Variants in ALK observed in about 807,000 individuals in gnomAD.
ALK encodes ALK receptor tyrosine kinase, also known as ALK tyrosine kinase receptor.
ALK carries 74 observed loss-of-function variants against 163.1 expected under a neutral mutation model. The ratio of observed to expected loss-of-function variants is 0.45; its 90% CI spans 0.38 to 0.55. ALK has a LOEUF of 0.55. Among genes scored for constraint, ALK ranks in the 20% least tolerant of loss-of-function variants. The probability of loss-of-function intolerance (pLI) is 0.00; values close to 1 mark genes in which losing one functional copy is unlikely to be tolerated. For missense variants in ALK, 2,063 were observed against 2,105.3 expected (o/e 0.98, Z 0.39); for synonymous variants, 960 against 843.2 (o/e 1.14, Z -2.40).
chr2:29,523,858 G>GTCTT lies in ALK; in HGVS notation c.1154+8056_1154+8057insAAGA, dbSNP rs1672879628. The stretch of plus-strand genomic sequence containing the variant: ...AGGTCAGAACTGGCAGAAGCTGAAG[G>GTCTT]TTTTTTTTTTTTTTTTTTTTTTTTT... On this transcript the variant is annotated intron_variant, in intron 4 of 28. Coordinates refer to ENST00000389048, the MANE Select transcript of ALK (RefSeq NM_004304.5). Among the ~76,000 whole-genome samples, 5 of 110,950 alleles carry GTCTT rather than the reference G, an allele frequency of 4.5e-5. 2 individuals are homozygous for GTCTT. Among genetic ancestry groups the GTCTT allele is most frequent in the African/African-American group, 7.1e-5 (2 of 28,242 alleles). 72.8% of individuals were successfully genotyped at this position (110,950 alleles called of 152,430 possible).
intron 11 of ALK, 126 bp downstream of exon 11, chr2:29,274,973 G>T: frequency 3.1e-6 from 4 of 1,275,330 alleles, no homozygotes; most frequent in African/African-American, 1.5e-5. Context: ...GAGTGTAGGT[G>T]ATACTCCTTC....
chr2:29,845,478 A>G (rs1334366694), intron 1 of ALK, among the ~76,000 whole-genome samples: 1 of 151,946 alleles, frequency 6.6e-6, no homozygotes, highest in Non-Finnish European at 1.5e-5. Context: ...CGTGTCACCC[A>G]TGCTGGAGTG....
In ALK at chr2:29,451,092, G is replaced by A. The variant is rs6739668; in HGVS notation, c.1155-67233C>T. The stretch of plus-strand genomic sequence containing the variant: ...GTCTGATGTTTGCTTGCTATAAAGA[G>A]TAAGTGGTGTGTTTTCTAATCTCAG... On this transcript the variant is annotated intron_variant, in intron 4 of 28. Transcript: ENST00000389048. 1.8e-3 allele frequency among the ~76,000 whole-genome samples: 276 copies of A among 152,272 alleles called. 1 individual carries two copies. Among genetic ancestry groups the A allele is most frequent in the African/African-American group, 6.1e-3 (255 of 41,552 alleles).
chr2:29,446,622 C>T (rs1297504852), intron 4 of ALK, among the ~76,000 whole-genome samples: 1 of 152,194 alleles, frequency 6.6e-6, no homozygotes, highest in Admixed American at 6.5e-5. Context: ...CCAAGATCTC[C>T]AAGCTGAGCT....
intron 1 of ALK, among the ~76,000 whole-genome samples, chr2:29,791,505 C>A (rs1488031830): frequency 1.3e-5 from 2 of 152,096 alleles, no homozygotes; most frequent in Non-Finnish European, 2.9e-5. Flanking sequence ...GGAGAGATAG[C>A]ATTAGGATAA....
chr2:29,581,420 C>T (rs1166721725), intron 3 of ALK, among the ~76,000 whole-genome samples: 1 of 152,102 alleles, frequency 6.6e-6, no homozygotes, highest in African/African-American at 2.4e-5. Context: ...AGAGTCAAAG[C>T]ATGAGCAGAG....
chr2:29,252,505 G>T (rs1664843340), intron 11 of ALK, among the ~76,000 whole-genome samples: 3 of 152,132 alleles, frequency 2.0e-5, no homozygotes, highest in Admixed American at 2.0e-4. Context: ...GGTTAACTTG[G>T]GTTGCCGATT....
intron 4 of ALK, among the ~76,000 whole-genome samples, chr2:29,405,286 G>A (rs946880707): frequency 2.0e-5 from 3 of 152,228 alleles, no homozygotes; most frequent in South Asian, 2.1e-4. Context: ...TGTTCCTTTC[G>A]AAACTCTGAT....
intron 3 of ALK, among the ~76,000 whole-genome samples, chr2:29,621,722 G>T (rs1676043709): frequency 6.6e-6 from 1 of 152,126 alleles, no homozygotes; most frequent in African/African-American, 2.4e-5. Context: ...GAGACTCTTT[G>T]GGTTGAAAGA....
intron 4 of ALK, among the ~76,000 whole-genome samples, chr2:29,452,333 T>A (rs201670382): frequency 6.2e-5 from 1 of 16,200 alleles, no homozygotes; most frequent in African/African-American, 4.6e-4. Context: ...GTTTTTTTTG[T>A]TTTTTTTTTT....
At chr2:29,808,138 G>A (rs2148369574) in intron 1 of ALK, among the ~76,000 whole-genome samples, 1 of 152,196 alleles carries the variant, frequency 6.6e-6, no homozygotes, top group Non-Finnish European at 1.5e-5. Context: ...AAAAATAAAT[G>A]CATTGAAATT....
At chr2:29,543,327 C>T (rs1179205783) in intron 3 of ALK, among the ~76,000 whole-genome samples, 4 of 152,200 alleles carry the variant, frequency 2.6e-5, no homozygotes, top group Non-Finnish European at 4.4e-5. Flanking sequence ...CACATTTAAA[C>T]AGGAGAGACT....
chr2:29,401,801 AGGT>A (rs1284647659), intron 4 of ALK, among the ~76,000 whole-genome samples: 1 of 152,184 alleles, frequency 6.6e-6, no homozygotes, highest in Non-Finnish European at 1.5e-5. Flanking sequence ...CTTTTAACAG[AGGT>A]GTCTAAGAGA....
intron 1 of ALK, among the ~76,000 whole-genome samples, chr2:29,912,136 G>T (rs1365690780): frequency 6.6e-6 from 1 of 152,094 alleles, no homozygotes. Flanking sequence ...AGATCTAACA[G>T]GTGTGTAATC....
chr2:29,398,945 AG>A lies in ALK; in HGVS notation c.1155-15087del, dbSNP rs372915008. The stretch of plus-strand genomic sequence containing the variant: ...GGACACTCAGGCTCTTCATGGCTAC[AG>A]GGTGAGGCTTGTGTGGCAGGAGCTG... On this transcript the variant is annotated intron_variant, in intron 4 of 28. Transcript: ENST00000389048. Among the ~76,000 whole-genome samples the A allele has an allele frequency of 3.3e-4, 50 of 152,304 alleles. No individual in the cohort carries two copies. The South Asian group carries it at 6.4e-3, about 20-fold the overall frequency.
intron 3 of ALK, among the ~76,000 whole-genome samples, chr2:29,599,608 A>C (rs913498557): frequency 2.6e-5 from 4 of 152,260 alleles, no homozygotes; most frequent in African/African-American, 9.6e-5. Context: ...GAAGGGAAGA[A>C]TTTGAACTTG....
intron 1 of ALK, among the ~76,000 whole-genome samples, chr2:29,732,782 A>T (rs1421026719): frequency 6.6e-6 from 1 of 152,156 alleles, no homozygotes; most frequent in Non-Finnish European, 1.5e-5. Context: ...ACTGCTCGTG[A>T]ATCAGGAAAC....
At chr2:29,739,557 CA>C (rs111281224) in intron 1 of ALK, among the ~76,000 whole-genome samples, 6,579 of 71,782 alleles carry the variant, frequency 0.092, 291 homozygotes, top group African/African-American at 0.22. Context: ...GAATCTGTCT[CA>C]AAAAAAAAAA....
intron 12 of ALK, among the ~76,000 whole-genome samples, chr2:29,242,540 T>G (rs1664550110): frequency 6.6e-6 from 1 of 152,156 alleles, no homozygotes. Flanking sequence ...CTCAACCACA[T>G]CTGAGAGCCA....
Sources: gnomAD v4.1 joint callset for allele counts (sites outside exome capture counted in the v4.1 genomes callset) on GRCh38, gnomAD v4.1.1 for gene constraint, MANE v1.5 for transcripts, NCBI Gene and HGNC (gene_info 2026-07-23, HGNC 2026-07-21) for gene names.